SNED1: variants seen among roughly 807,000 people sequenced by gnomAD.
SNED1 encodes the protein sushi, nidogen and EGF-like domain-containing protein 1.
Under a neutral mutation model 166.7 loss-of-function variants are expected in SNED1, and 81 were observed. That is an observed-to-expected ratio of 0.49 (90% CI 0.41 to 0.58). The LOEUF (loss-of-function observed/expected upper bound fraction) is 0.58, where lower values mean the gene tolerates loss of function less well. SNED1 is among the 20% of genes least tolerant of loss of function. The pLI is 0.00. For synonymous variants in SNED1, 762 were observed against 822.0 expected (o/e 0.93, Z 1.25); for missense variants, 1,604 against 2,000.2 (o/e 0.80, Z 3.78).
chr2:241,063,731 C>G, intron 18 of SNED1, 31 bp downstream of exon 18: 2 of 1,429,890 alleles, frequency 1.4e-6, no homozygotes, highest in Middle Eastern at 1.9e-4. Context: ...GCCCCACATG[C>G]AGAGCCTGGG....
intron 1 of SNED1, among the ~76,000 whole-genome samples, chr2:241,011,121 GGGGGTGGCAGGTCTCCT>G (rs1559216072): frequency 1.4e-5 from 2 of 139,420 alleles, no homozygotes; most frequent in African/African-American, 5.4e-5. Context: ...TGGGTCTCCT[GGGGGTGGCAGGTCTCCT>G]GGTTCTCCTG....
intron 2 of SNED1, among the ~76,000 whole-genome samples, chr2:241,031,207 C>T (rs1167414718): frequency 6.6e-6 from 1 of 152,150 alleles, no homozygotes; most frequent in African/African-American, 2.4e-5. Flanking sequence ...CTCTGTCGCC[C>T]AGGCTGGAGT....
At chr2:241,082,211 C>T in intron 28 of SNED1, 66 bp from the exon 29 acceptor site, 1 of 1,335,474 alleles carries the variant, frequency 7.5e-7, no homozygotes, top group Non-Finnish European at 1.1e-6. Flanking sequence ...TTGGGCAAGG[C>T]CTCTCAAGAG....
intron 21 of SNED1, among the ~76,000 whole-genome samples, chr2:241,067,198 G>C (rs1472416168): frequency 6.6e-6 from 1 of 152,234 alleles, no homozygotes; most frequent in Non-Finnish European, 1.5e-5. Context: ...CCGGGGTGCT[G>C]AGTTGCCGGG....
chr2:241,089,826 C>T lies in SNED1; in HGVS notation c.*1+1424C>T, dbSNP rs114709167. 6.3e-3 allele frequency among the ~76,000 whole-genome samples: 961 copies of T among 152,396 alleles called. 7 individuals carry two copies. The highest frequency in any genetic ancestry group is 0.016 in the African/African-American group (682 of 41,596). On this transcript the variant is annotated intron_variant, in intron 31 of 31. Coordinates refer to ENST00000310397, the MANE Select transcript of SNED1 (RefSeq NM_001080437.3). ...CCTAGATGGCACCGCGTACTGCGCA[C>T]CTAGGCTGTGTGGCAGAGCCCATGC...
chr2:241,069,489 G>A lies in SNED1; in HGVS notation c.3308-431G>A, dbSNP rs983630643. On this transcript the variant is annotated intron_variant, in intron 23 of 31. Transcript: ENST00000310397. This position sits in a 1 kb window ranked among gnomAD's most constrained non-coding sequence, Gnocchi z 4.9. ...GACAGGTGAACTGGGCAGAGGGGAGGCTGCAGCTCCCTCTGTGAGGAACAG... is the reference window on the plus strand; with the variant it reads ...GACAGGTGAACTGGGCAGAGGGGAGACTGCAGCTCCCTCTGTGAGGAACAG... Among the ~76,000 whole-genome samples the A allele has an allele frequency of 1.3e-5, 2 of 152,166 alleles. No homozygotes were observed. The highest frequency in any genetic ancestry group is 2.9e-5 in the Non-Finnish European group (2 of 68,014).
rs775029000 is a variant in SNED1 at position 241,094,596 on chromosome 2, C to T, written c.*2960C>T. On this transcript the variant is annotated 3_prime_UTR_variant, in exon 32 of 32. Transcript: ENST00000310397. This position sits in a 1 kb window ranked among gnomAD's most constrained non-coding sequence, Gnocchi z 4.3. ...AATAATACGATCCTAAGTCCATTTA[C>T]CATCTGAAGTTGTCACGAGTGAACA... 4 of 352,494 alleles carry T rather than the reference C, an allele frequency of 1.1e-5. No homozygotes were observed. The highest frequency in any genetic ancestry group is 2.2e-5 in the Non-Finnish European group (4 of 179,248). The allele number at this position is 352,494 out of a possible 1,614,324, so 21.8% of individuals were successfully genotyped here. A position where few individuals can be genotyped will look rare whatever the true frequency, so the allele number is the denominator to read the frequency against.
intron 18 of SNED1, 71 bp from the exon 19 acceptor site, chr2:241,063,941 C>T: frequency 8.5e-7 from 1 of 1,178,542 alleles, no homozygotes; most frequent in East Asian, 2.6e-5. Flanking sequence ...TTCCCTTCTT[C>T]CCGCTGTCCT....
At chr2:241,027,309 G>C (rs1239625881) in intron 1 of SNED1, among the ~76,000 whole-genome samples, 1 of 152,266 alleles carries the variant, frequency 6.6e-6, no homozygotes, top group African/African-American at 2.4e-5. Flanking sequence ...TTGAACTCCT[G>C]ACCTCAGGTG....
chr2:241,065,893 G>T lies in SNED1; in HGVS notation c.3010+298G>T, dbSNP rs13009926. ...GAAGTGGGACTGGGGAGGAATGGGG[G>T]CTTCCCAAAAGGGTCCCTAGAAGGA... On this transcript the variant is annotated intron_variant, in intron 21 of 31. Transcript: ENST00000310397. Among the ~76,000 whole-genome samples the T allele has an allele frequency of 2.6e-5, 4 of 151,784 alleles. No individual in the cohort carries two copies. The South Asian group carries it at 6.2e-4, about 24-fold the overall frequency.
In SNED1 at chr2:241,018,754, C is replaced by G. The variant is rs1259678995; in HGVS notation, c.214-11530C>G. On this transcript the variant is annotated intron_variant, in intron 1 of 31. Coordinates refer to ENST00000310397, the MANE Select transcript of SNED1 (RefSeq NM_001080437.3). The surrounding 1 kb of genome is among the most constrained non-coding windows in gnomAD (Gnocchi z 5.4). ...GCAGTGCCGTCAACCAAGCCACCCA[C>G]ATGTTCATGACTCAGGACTGTGTCA... 6.6e-6 allele frequency among the ~76,000 whole-genome samples: 1 copy of G among 152,178 alleles called. No homozygotes were observed. The highest frequency in any genetic ancestry group is 1.5e-5 in the Non-Finnish European group (1 of 68,030).
intron 29 of SNED1, among the ~76,000 whole-genome samples, chr2:241,083,681 G>A (rs922595099): frequency 2.6e-5 from 4 of 152,182 alleles, no homozygotes; most frequent in African/African-American, 9.7e-5. Context: ...GTGCCTGCTG[G>A]TGACCACCAA....
intron 30 of SNED1, chr2:241,087,911 G>C (rs561904302): frequency 1.2e-5 from 5 of 417,840 alleles, no homozygotes; most frequent in African/African-American, 1.0e-4. Flanking sequence ...AAGTACGTGA[G>C]AATATTATAT....
At position 241,044,176 on chromosome 2, in the gene SNED1, G is replaced by T. The variant is rs184374332; in HGVS notation, c.1273+3763G>T. On this transcript the variant is annotated intron_variant, in intron 8 of 31. Transcript: ENST00000310397. ...GAAGTGGGACAAGTAAAAGCCGATA[G>T]CAAGATGATAGGTTCAGTCTAGTCA... Among the ~76,000 whole-genome samples, 183 of 152,334 alleles carry T rather than the reference G, an allele frequency of 1.2e-3. 1 individual carries two copies. The highest frequency in any genetic ancestry group is 4.3e-3 in the African/African-American group (179 of 41,572).
At chr2:241,078,072 A>G (rs1401993790) in intron 27 of SNED1, among the ~76,000 whole-genome samples, 1 of 152,306 alleles carries the variant, frequency 6.6e-6, no homozygotes, top group South Asian at 2.1e-4. Context: ...AGAAACCACC[A>G]AAGTGTCAAT....
Position 241,037,271 on chromosome 2 carries a change from G to A in SNED1, c.963G>A (p.Gln321=). 2 of 1,611,572 alleles carry A rather than the reference G, an allele frequency of 1.2e-6. No individual in the cohort carries two copies. Among genetic ancestry groups the A allele is most frequent in the Non-Finnish European group, 1.7e-6 (2 of 1,179,196 alleles). The change falls in exon 6 of 32, where the codon CAG becomes CAA. Residue 321 remains glutamine, a synonymous_variant. Coordinates refer to ENST00000310397, the MANE Select transcript of SNED1 (RefSeq NM_001080437.3). ...ACGAATGTGCCTCCCAGCCCTGTCA[G>A]AATGGTGGGACCTGTACTCACGGCA... is the stretch of plus-strand genomic sequence containing the variant. The part of the protein sequence containing the change: ...DVNECASQPC[Q]NGGTCTHGIN...
intron 24 of SNED1, 108 bp from the exon 25 acceptor site, chr2:241,071,468 C>T: frequency 3.0e-6 from 4 of 1,332,684 alleles, no homozygotes; most frequent in Non-Finnish European, 4.1e-6. Flanking sequence ...GCCCCCCTTC[C>T]CTTCTCCAAG....
In SNED1 at chr2:241,087,400, G is replaced by T. The variant is rs765274068; in HGVS notation, c.4130G>T (p.Arg1377Ile). 1 of 1,598,546 alleles carries T rather than the reference G, an allele frequency of 6.3e-7. No individual in the cohort carries two copies. Among genetic ancestry groups the T allele is most frequent in the East Asian group, 2.3e-5 (1 of 44,280 alleles). ...EGGVCHHVYK[R>I]VYRVHQDICF... ...CTTTCTTGTGACAACAGGTATAAAA[G>T]AGTCTACCGAGTTCACCAAGACATC... Residue 1377 changes from arginine to isoleucine, a missense_variant, in exon 30 of 32, where the codon AGA becomes ATA. Arg to Ile is a moderately conservative substitution (Grantham distance 97). Coordinates refer to ENST00000310397, the MANE Select transcript of SNED1 (RefSeq NM_001080437.3).
At chr2:241,057,228 A>T (rs2062074989) in intron 16 of SNED1, among the ~76,000 whole-genome samples, 1 of 151,640 alleles carries the variant, frequency 6.6e-6, no homozygotes, top group East Asian at 1.9e-4. Context: ...AAAATACAAA[A>T]ATTAGCTGGG....
Sources: allele counts gnomAD v4.1 joint callset (sites outside exome capture counted in the v4.1 genomes callset), GRCh38; gene constraint gnomAD v4.1.1; non-coding constraint Gnocchi (gnomAD v3.1); transcripts MANE v1.5; gene names NCBI Gene and HGNC (gene_info 2026-07-23, HGNC 2026-07-21).